MYOZ2: variants seen among roughly 807,000 people sequenced by gnomAD.
MYOZ2 encodes the protein myozenin-2.
In MYOZ2, 19 loss-of-function variants were observed where a neutral mutation model predicts 25.4. That is an observed-to-expected ratio of 0.75 (90% CI 0.52 to 1.10). MYOZ2 has a LOEUF of 1.10. Among genes scored for constraint, MYOZ2 ranks in the 50% least tolerant of loss-of-function variants. MYOZ2 has a pLI of 0.00. For missense variants in MYOZ2, 270 were observed against 317.9 expected (o/e 0.85, Z 1.15); for synonymous variants, 92 against 106.9 (o/e 0.86, Z 0.86).
chr4:119,159,450 TTCAG>T (rs1257604148), intron 4 of MYOZ2, among the ~76,000 whole-genome samples: 5 of 152,144 alleles, frequency 3.3e-5, no homozygotes, highest in African/African-American at 1.2e-4. Context: ...CAACTCCTTA[TTCAG>T]TCAGTTTATA....
chr4:119,163,458 G>A (rs1741751253), intron 4 of MYOZ2, among the ~76,000 whole-genome samples: 1 of 152,188 alleles, frequency 6.6e-6, no homozygotes, highest in Non-Finnish European at 1.5e-5. Context: ...CTGGAAGAGT[G>A]TCACTCTATG....
chr4:119,167,424 G>A (rs1246948307), intron 5 of MYOZ2, among the ~76,000 whole-genome samples: 1 of 152,222 alleles, frequency 6.6e-6, no homozygotes, highest in East Asian at 1.9e-4. Flanking sequence ...GTTGGTTCAT[G>A]AAGGCTGAGG....
intron 5 of MYOZ2, among the ~76,000 whole-genome samples, chr4:119,172,603 A>T (rs898034643): frequency 2.0e-5 from 3 of 152,208 alleles, no homozygotes; most frequent in Non-Finnish European, 4.4e-5. Context: ...TCCCCAAGGA[A>T]AAATTTGGGG....
intron 2 of MYOZ2, among the ~76,000 whole-genome samples, chr4:119,137,744 T>A (rs951443133): frequency 2.0e-5 from 3 of 152,330 alleles, no homozygotes; most frequent in South Asian, 4.1e-4. Flanking sequence ...AGAATAATTC[T>A]GAGTCAGATA....
At chr4:119,158,631 T>C (rs190146955) in intron 4 of MYOZ2, among the ~76,000 whole-genome samples, 86 of 152,272 alleles carry the variant, frequency 5.6e-4, no homozygotes, top group African/African-American at 2.0e-3. Flanking sequence ...ATAAAACATT[T>C]ATAGTAGCCA....
chr4:119,142,754 T>A (rs1217773698), intron 2 of MYOZ2, among the ~76,000 whole-genome samples: 1 of 152,248 alleles, frequency 6.6e-6, no homozygotes, highest in Non-Finnish European at 1.5e-5. Context: ...TAGACTTTAT[T>A]TTTTAGAGTT....
rs772659939 is a variant in MYOZ2, at chr4:119,158,086, C to T, written c.311C>T (p.Ala104Val). 2.0e-5 allele frequency: 33 copies of T among 1,613,756 alleles called. No homozygotes were observed. In the East Asian group the frequency reaches 6.5e-4, roughly 32 times the overall value. ...GSNLEGGSQQ[A>V]PLTPPNTPDP... is the part of the protein sequence containing the mutation. ...AACTTGGAAGGTGGTTCGCAGCAAGCCCCCTTGACTCCTCCCAACACCCCA... is the reference window on the plus strand; with the variant it reads ...AACTTGGAAGGTGGTTCGCAGCAAGTCCCCTTGACTCCTCCCAACACCCCA... The change falls in exon 4 of 6, where the codon GCC (alanine) becomes GTC (valine). Residue 104 changes from alanine to valine, a missense_variant. By Grantham distance (64) the Ala-to-Val change is moderately conservative. Coordinates refer to ENST00000307128, the MANE Select transcript of MYOZ2 (RefSeq NM_016599.5).
chr4:119,158,067 G>C lies in MYOZ2; in HGVS notation c.292G>C (p.Glu98Gln), dbSNP rs779446731. The C allele has an allele frequency of 2.5e-6, 4 of 1,613,836 alleles. No homozygotes were observed. Among genetic ancestry groups the C allele is most frequent in the Non-Finnish European group, 3.4e-6 (4 of 1,179,952 alleles). ...QNGKVDGSNL[E>Q]GGSQQAPLTP... Reference sequence around the variant, plus strand: ...TGGGAAAGTGGATGGAAGTAACTTGGAAGGTGGTTCGCAGCAAGCCCCCTT... The same window carrying C: ...TGGGAAAGTGGATGGAAGTAACTTGCAAGGTGGTTCGCAGCAAGCCCCCTT... The change falls in exon 4 of 6, where the codon GAA becomes CAA. Residue 98 changes from glutamate (E) to glutamine (Q), a missense_variant. Transcript: ENST00000307128.
intron 3 of MYOZ2, among the ~76,000 whole-genome samples, chr4:119,157,243 G>T (rs1425168879): frequency 6.6e-6 from 1 of 151,988 alleles, no homozygotes; most frequent in East Asian, 1.9e-4. Flanking sequence ...TTTCCTATAT[G>T]CAATTAAAAC....
chr4:119,150,958 G>T lies in MYOZ2; in HGVS notation c.163G>T (p.Ala55Ser). ...ATTATCCCATCTCAGTAACCGTGGTGCCAGGCTATTTAAGATGCGTCAAAG... is the reference window on the plus strand; with the variant it reads ...ATTATCCCATCTCAGTAACCGTGGTTCCAGGCTATTTAAGATGCGTCAAAG... ...EELSHLSNRGARLFKMRQRRS... is the reference protein window; with the variant it reads ...EELSHLSNRGSRLFKMRQRRS... The change falls in exon 3 of 6, where the codon GCC (alanine) becomes TCC (serine). Residue 55 changes from alanine (A) to serine (S), a missense_variant. Transcript: ENST00000307128. 1 of 1,613,652 alleles carries T rather than the reference G, an allele frequency of 6.2e-7. No individual in the cohort carries two copies. Among genetic ancestry groups the T allele is most frequent in the Non-Finnish European group, 8.5e-7 (1 of 1,179,606 alleles).
intron 3 of MYOZ2, among the ~76,000 whole-genome samples, chr4:119,155,091 GGAAGGAAGGAAGAGAGA>G (rs1741544100): frequency 6.6e-6 from 1 of 152,062 alleles, no homozygotes; most frequent in Non-Finnish European, 1.5e-5. Context: ...TGGTGAGAGA[GGAAGGAAGGAAGAGAGA>G]GGAGGGAGGA....
chr4:119,176,474 C>T (rs910650793), intron 5 of MYOZ2, among the ~76,000 whole-genome samples: 6 of 152,142 alleles, frequency 3.9e-5, no homozygotes, highest in South Asian at 2.1e-4. Flanking sequence ...CTGCCCACTT[C>T]GGCCTCCGAA....
rs727503333 is a variant in MYOZ2 at position 119,186,173 on chromosome 4, C to A, written c.768C>A (p.Thr256=). The stretch of plus-strand genomic sequence containing the variant: ...TAACAACCGAACCTACAGATGATAC[C>A]ACTGTACCAGAATCAGAAGACCTAT... ...IVITTEPTDD[T]TVPESEDL Residue 256 remains threonine (T), a synonymous_variant, in exon 6 of 6, where the codon ACC becomes ACA. Transcript: ENST00000307128. 83 of 1,612,214 alleles carry A rather than the reference C, an allele frequency of 5.1e-5. No individual in the cohort carries two copies. The highest frequency in any genetic ancestry group is 6.8e-5 in the Non-Finnish European group (80 of 1,178,526).
chr4:119,156,528 C>T (rs966941475), intron 3 of MYOZ2, among the ~76,000 whole-genome samples: 3 of 151,938 alleles, frequency 2.0e-5, no homozygotes, highest in Admixed American at 6.6e-5. Flanking sequence ...TGTTTAAAGT[C>T]ATAATATTTT....
At chr4:119,144,068 C>A (rs529948326) in intron 2 of MYOZ2, among the ~76,000 whole-genome samples, 202 of 152,216 alleles carry the variant, frequency 1.3e-3, no homozygotes, top group Admixed American at 3.5e-3. Flanking sequence ...ATTTCCATTC[C>A]CATAAGGGTC....
intron 5 of MYOZ2, among the ~76,000 whole-genome samples, chr4:119,173,624 C>A (rs1166778331): frequency 6.6e-6 from 1 of 152,238 alleles, no homozygotes; most frequent in Non-Finnish European, 1.5e-5. Context: ...TGCTGGCAGT[C>A]CTCACAGCCC....
intron 5 of MYOZ2, among the ~76,000 whole-genome samples, chr4:119,185,221 G>T (rs893122704): frequency 5.4e-5 from 8 of 149,220 alleles, no homozygotes; most frequent in African/African-American, 1.7e-4. Context: ...TATCACCCAC[G>T]CTGGTCTCAA....
intron 2 of MYOZ2, among the ~76,000 whole-genome samples, chr4:119,148,423 T>C (rs1741358813): frequency 6.6e-6 from 1 of 152,158 alleles, no homozygotes; most frequent in South Asian, 2.1e-4. Flanking sequence ...GTGATTTCTT[T>C]AAGTACTTTT....
At chr4:119,145,548 GTT>G (rs869104276) in intron 2 of MYOZ2, among the ~76,000 whole-genome samples, 1,597 of 91,156 alleles carry the variant, frequency 0.018, 46 homozygotes, top group Admixed American at 0.078. Flanking sequence ...GTGTGTGTGT[GTT>G]TTTGGTAGAG....
Sources: gnomAD v4.1 joint callset for allele counts (sites outside exome capture counted in the v4.1 genomes callset) on GRCh38, gnomAD v4.1.1 for gene constraint, MANE v1.5 for transcripts, NCBI Gene and HGNC (gene_info 2026-07-23, HGNC 2026-07-21) for gene names.